OXR1: variants seen among roughly 807,000 people sequenced by gnomAD.
The protein encoded by OXR1 is oxidation resistance protein 1.
In OXR1, 41 loss-of-function variants were observed where a neutral mutation model predicts 104.6. The ratio of observed to expected loss-of-function variants is 0.39; its 90% CI spans 0.31 to 0.51. The LOEUF (loss-of-function observed/expected upper bound fraction) is 0.51, where lower values mean the gene tolerates loss of function less well. Ranked by LOEUF, OXR1 falls within the 20% of genes least tolerant of loss-of-function variation. OXR1 has a pLI of 0.77. For missense variants in OXR1, 955 were observed against 1,031.9 expected, an observed-to-expected ratio of 0.93 and a Z score of 1.02; for synonymous variants, 348 against 348.4, an observed-to-expected ratio of 1.00 and a Z score of 0.01.
At chr8:106,280,755 A>G (rs993680624) in intron 1 of OXR1, among the ~76,000 whole-genome samples, 3 of 152,190 alleles carry the variant, frequency 2.0e-5, no homozygotes, top group Non-Finnish European at 2.9e-5. Flanking sequence ...TTTTACCACA[A>G]TTAAAAAAAA....
chr8:106,288,699 ATATT>A (rs1308533749), intron 1 of OXR1, among the ~76,000 whole-genome samples: 3 of 123,090 alleles, frequency 2.4e-5, no homozygotes, highest in Non-Finnish European at 5.2e-5. Context: ...ACAAATTTAT[ATATT>A]TATATATTAT....
intron 2 of OXR1, among the ~76,000 whole-genome samples, chr8:106,418,748 A>G (rs1818785357): frequency 6.6e-6 from 1 of 152,122 alleles, no homozygotes; most frequent in African/African-American, 2.4e-5. Flanking sequence ...GTTCAGCGCC[A>G]CTTTGAACCT....
At chr8:106,352,301 T>C (rs1276936105) in intron 1 of OXR1, among the ~76,000 whole-genome samples, 1 of 152,184 alleles carries the variant, frequency 6.6e-6, no homozygotes, top group East Asian at 1.9e-4. Flanking sequence ...AGGAAGTGTA[T>C]TTGTAAAATC....
chr8:106,405,239 G>GTGTA (rs371825358), intron 2 of OXR1, among the ~76,000 whole-genome samples: 8 of 133,126 alleles, frequency 6.0e-5, no homozygotes, highest in African/African-American at 1.5e-4. Flanking sequence ...GTGTGTGTGT[G>GTGTA]TATAGGCTCA....
intron 1 of OXR1, among the ~76,000 whole-genome samples, chr8:106,350,914 T>G (rs2130306599): frequency 6.6e-6 from 1 of 152,314 alleles, no homozygotes; most frequent in South Asian, 2.1e-4. Context: ...TGAACTACAT[T>G]CTGGATAAAA....
At chr8:106,512,201 A>G (rs1266911897) in intron 2 of OXR1, among the ~76,000 whole-genome samples, 2 of 152,202 alleles carry the variant, frequency 1.3e-5, no homozygotes, top group African/African-American at 4.8e-5. Flanking sequence ...GCCCAAGGTC[A>G]CACAGCTGGT....
intron 2 of OXR1, among the ~76,000 whole-genome samples, chr8:106,415,601 G>GACAGAGA (rs56691498): frequency 2.6e-5 from 4 of 151,650 alleles, no homozygotes; most frequent in South Asian, 2.1e-4. Context: ...GAGACAGAGA[G>GACAGAGA]GGAATTGCTT....
chr8:106,735,053 A>T (rs776935), intron 11 of OXR1, among the ~76,000 whole-genome samples: 1 of 152,100 alleles, frequency 6.6e-6, no homozygotes, highest in Non-Finnish European at 1.5e-5. Flanking sequence ...AATTGTATAC[A>T]TGGAGTATGG....
chr8:106,325,497 A>C (rs1452905817), intron 1 of OXR1, among the ~76,000 whole-genome samples: 4 of 152,162 alleles, frequency 2.6e-5, no homozygotes, highest in Non-Finnish European at 5.9e-5. Flanking sequence ...AGATTTCTCA[A>C]CTGTAGAGTG....
chr8:106,747,134 G>T (rs777411972), intron 16 of OXR1, among the ~76,000 whole-genome samples: 2 of 152,178 alleles, frequency 1.3e-5, no homozygotes, highest in Non-Finnish European at 2.9e-5. Context: ...AAATGATGTA[G>T]TGGACTTAAT....
intron 3 of OXR1, among the ~76,000 whole-genome samples, chr8:106,602,373 C>T (rs1396275075): frequency 6.6e-6 from 1 of 152,082 alleles, no homozygotes; most frequent in Non-Finnish European, 1.5e-5. Context: ...ATAAGCATGG[C>T]CTGGAGTGGC....
At chr8:106,272,322 T>G (rs1388506398) in intron 1 of OXR1, 2 of 152,246 alleles carry the variant, frequency 1.3e-5, no homozygotes, top group Non-Finnish European at 2.9e-5. Context: ...TTTCACATTT[T>G]CAGAGAGACT....
chr8:106,730,361 C>G (rs1833767293), intron 11 of OXR1, among the ~76,000 whole-genome samples: 1 of 151,864 alleles, frequency 6.6e-6, no homozygotes, highest in African/African-American at 2.4e-5. Flanking sequence ...ATTTTTCTGC[C>G]CTAAAAATTC....
At chr8:106,602,497 C>A (rs1435120901) in intron 3 of OXR1, among the ~76,000 whole-genome samples, 3 of 152,128 alleles carry the variant, frequency 2.0e-5, no homozygotes, top group Non-Finnish European at 4.4e-5. Flanking sequence ...ATGATTCTTA[C>A]AACTTTGGTA....
chr8:106,398,064 G>A (rs1368874148), intron 2 of OXR1, among the ~76,000 whole-genome samples: 1 of 152,076 alleles, frequency 6.6e-6, no homozygotes, highest in Admixed American at 6.6e-5. Flanking sequence ...GTGTGTGTCT[G>A]TGTCCAAATT....
chr8:106,404,705 C>T (rs866713568), intron 2 of OXR1, among the ~76,000 whole-genome samples: 1 of 151,266 alleles, frequency 6.6e-6, no homozygotes, highest in South Asian at 2.1e-4. Context: ...TCGCTCAGCT[C>T]CTTGCTTATT....
At chr8:106,527,376 C>T (rs1813764256) in intron 3 of OXR1, among the ~76,000 whole-genome samples, 1 of 152,134 alleles carries the variant, frequency 6.6e-6, no homozygotes, top group Admixed American at 6.5e-5. Flanking sequence ...CTGTTTAAAA[C>T]CCGGCAGTGG....
At chr8:106,297,275 T>C (rs1269002784) in intron 1 of OXR1, among the ~76,000 whole-genome samples, 3 of 152,206 alleles carry the variant, frequency 2.0e-5, no homozygotes, top group African/African-American at 4.8e-5. Context: ...TTTTATCTTA[T>C]ATCAGATATA....
At chr8:106,707,199 T>C in intron 9 of OXR1, 54 bp downstream of exon 9, 1 of 1,545,676 alleles carries the variant, frequency 6.5e-7, no homozygotes, top group Non-Finnish European at 8.9e-7. Context: ...GGTGTCTCCG[T>C]CTTTCCTCAC....
Sources: gnomAD v4.1 joint callset for allele counts (sites outside exome capture counted in the v4.1 genomes callset) on GRCh38, gnomAD v4.1.1 for gene constraint, MANE v1.5 for transcripts, NCBI Gene and HGNC (gene_info 2026-07-23, HGNC 2026-07-21) for gene names.